The following ZFHX3 variants were observed in gnomAD, a reference collection of about 807,000 sequenced individuals.
ZFHX3 encodes zinc finger homeobox protein 3.
Under a neutral mutation model 279.1 loss-of-function variants are expected in ZFHX3, and 42 were observed. That is an observed-to-expected ratio of 0.15 (90% confidence interval 0.12 to 0.19). ZFHX3 has a LOEUF of 0.19. Among genes scored for constraint, ZFHX3 ranks in the 10% least tolerant of loss-of-function variants. The probability of loss-of-function intolerance (pLI) is 1.00; values close to 1 mark genes in which losing one functional copy is unlikely to be tolerated. For missense variants in ZFHX3, 4,981 were observed against 4,754.0 expected (o/e 1.05, Z -1.40); for synonymous variants, 2,293 against 1,957.8 (o/e 1.17, Z -4.52).
intron 7 of ZFHX3, among the ~76,000 whole-genome samples, chr16:72,802,889 AGGTGATATATATATCCAAAG>A (rs1357471251): frequency 1.3e-5 from 2 of 152,188 alleles, no homozygotes; most frequent in Non-Finnish European, 2.9e-5. Flanking sequence ...CTGCTCACTG[AGGTGATATATATATCCAAAG>A]GCAGACTTCC....
At chr16:73,198,404 A>C (rs1432598838) in intron 5 of ZFHX3, among the ~76,000 whole-genome samples, 3 of 151,890 alleles carry the variant, frequency 2.0e-5, no homozygotes, top group Non-Finnish European at 1.5e-5. Context: ...TGAAGAAGAA[A>C]ATAAACTAAA....
At chr16:73,132,238 T>C (rs999288931) in intron 6 of ZFHX3, among the ~76,000 whole-genome samples, 1 of 152,160 alleles carries the variant, frequency 6.6e-6, no homozygotes, top group Non-Finnish European at 1.5e-5. Flanking sequence ...TGAGCTTTGA[T>C]TGTATCACTG....
chr16:72,933,356 T>C (rs1037326585), intron 3 of ZFHX3, among the ~76,000 whole-genome samples: 1 of 152,018 alleles, frequency 6.6e-6, no homozygotes. Context: ...ACAGCAGGGA[T>C]TGAGAAGAGA....
intron 3 of ZFHX3, among the ~76,000 whole-genome samples, chr16:73,393,500 A>G (rs1004717391): frequency 2.0e-5 from 3 of 152,214 alleles, no homozygotes; most frequent in African/African-American, 7.2e-5. Flanking sequence ...ATGAACTCAG[A>G]TTTGAAGCAG....
At chr16:72,854,779 T>C (rs1291779384) in intron 4 of ZFHX3, among the ~76,000 whole-genome samples, 2 of 151,786 alleles carry the variant, frequency 1.3e-5, no homozygotes, top group Non-Finnish European at 2.9e-5. Flanking sequence ...TTGAGCCTCA[T>C]TAAGAGGGAG....
intron 2 of ZFHX3, among the ~76,000 whole-genome samples, chr16:73,502,084 A>G (rs1244202947): frequency 6.6e-6 from 1 of 152,074 alleles, no homozygotes; most frequent in Non-Finnish European, 1.5e-5. Flanking sequence ...TTAAAGGTAC[A>G]GCATTAAAAG....
rs115266692 is a variant in ZFHX3 at position 73,264,651 on chromosome 16, C to T, written c.-1193-7515G>A. On this transcript the variant is annotated intron_variant, in intron 4 of 17. Coordinates refer to the ZFHX3 transcript ENST00000641206. ...TGGTTACATGGGCAAGTTCTTTAGC[C>T]GTGATTTGTGAGATTTCAGTGCACC... Among the ~76,000 whole-genome samples the T allele has an allele frequency of 2.3e-3, 344 of 151,890 alleles. 2 individuals are homozygous for T. Among genetic ancestry groups the T allele is most frequent in the African/African-American group, 7.8e-3 (323 of 41,408 alleles).
chr16:73,858,281 A>G (rs1197564723), intron 1 of ZFHX3, among the ~76,000 whole-genome samples: 1 of 152,190 alleles, frequency 6.6e-6, no homozygotes, highest in Non-Finnish European at 1.5e-5. Context: ...TAAATAAAAT[A>G]GAAACAGTTT....
chr16:73,063,052 GC>G (rs1965705734), upstream of ZFHX3, among the ~76,000 whole-genome samples: 2 of 152,226 alleles, frequency 1.3e-5, no homozygotes, highest in African/African-American at 4.8e-5. Flanking sequence ...GCCGGCCCGT[GC>G]CCCAGGCTTG....
At chr16:73,297,673 G>A (rs1346277383) in intron 4 of ZFHX3, among the ~76,000 whole-genome samples, 3 of 151,994 alleles carry the variant, frequency 2.0e-5, no homozygotes, top group Admixed American at 2.0e-4. Flanking sequence ...ACAAGAAGGA[G>A]TGTAAGGAGA....
At chr16:73,170,293 C>T (rs569906805) in intron 5 of ZFHX3, among the ~76,000 whole-genome samples, 9 of 133,210 alleles carry the variant, frequency 6.8e-5, no homozygotes, top group East Asian at 4.3e-4. Context: ...TGCAGTGCCA[C>T]GATCTCGGCT....
At chr16:73,762,855 G>C (rs1297584377) in intron 1 of ZFHX3, among the ~76,000 whole-genome samples, 2 of 152,080 alleles carry the variant, frequency 1.3e-5, no homozygotes, top group Non-Finnish European at 2.9e-5. Flanking sequence ...AGAACATCAG[G>C]AAAAATAGCT....
At chr16:72,821,122 G>A (rs977558369) in intron 5 of ZFHX3, among the ~76,000 whole-genome samples, 7 of 152,220 alleles carry the variant, frequency 4.6e-5, no homozygotes, top group Non-Finnish European at 1.0e-4. Flanking sequence ...TGTCCAGAAT[G>A]GTGACAGACA....
At chr16:73,323,280 G>T (rs1012817964) in intron 3 of ZFHX3, among the ~76,000 whole-genome samples, 1 of 152,188 alleles carries the variant, frequency 6.6e-6, no homozygotes. Flanking sequence ...GAGGCAGCAT[G>T]ACTGTTTGAG....
At position 72,816,120 on chromosome 16, in the gene ZFHX3, G is replaced by A. The variant is rs1423868219; in HGVS notation, c.3530-4082C>T. Reference sequence around the variant, plus strand: ...AGAAGAAAATGATCATTGCCTTTAGGTGATGACATCATGGAACACTTTAAG... The same window carrying A: ...AGAAGAAAATGATCATTGCCTTTAGATGATGACATCATGGAACACTTTAAG... On this transcript the variant is annotated intron_variant, in intron 5 of 9. Transcript: ENST00000268489. Among the ~76,000 whole-genome samples, 3 of 151,874 alleles carry A rather than the reference G, an allele frequency of 2.0e-5. No individual in the cohort carries two copies. The Admixed American group carries it at 2.0e-4, about 10-fold the overall frequency.
intron 1 of ZFHX3, chr16:73,808,645 T>C (rs996879535): frequency 3.9e-5 from 6 of 152,134 alleles, no homozygotes; most frequent in African/African-American, 1.2e-4. Context: ...TGAGCCTGGG[T>C]AAGAGATTTA....
intron 7 of ZFHX3, chr16:73,094,494 C>A (rs2144781664): frequency 6.6e-6 from 1 of 151,152 alleles, no homozygotes; most frequent in Admixed American, 6.6e-5. Flanking sequence ...TACAAAGTAG[C>A]TGCCCAATAC....
rs969139378 is a variant in ZFHX3, at chr16:73,682,966, G to C, written c.-1607-2726C>G. Among the ~76,000 whole-genome samples the C allele has an allele frequency of 1.1e-3, 28 of 26,530 alleles. 2 individuals are homozygous for C. Among genetic ancestry groups the C allele is most frequent in the Admixed American group, 2.1e-3 (4 of 1,866 alleles). 17.4% of individuals were successfully genotyped at this position (26,530 alleles called of 152,430 possible). On this transcript the variant is annotated intron_variant, in intron 1 of 17. Coordinates refer to the ZFHX3 transcript ENST00000641206. ...AGAAAGAAAGAAAGAAAGAAAGAAAGAAAGAAAGAAAGAAAGAAAGAAAGA... is the reference window on the plus strand; with the variant it reads ...AGAAAGAAAGAAAGAAAGAAAGAAACAAAGAAAGAAAGAAAGAAAGAAAGA...
intron 3 of ZFHX3, chr16:73,401,364 AAAACAAAACACACACACACACAC>A (rs1236941530): frequency 1.5e-5 from 2 of 137,922 alleles, no homozygotes; most frequent in African/African-American, 5.6e-5. Flanking sequence ...CAAAAAACAA[AAAACAAAACACACACACACACAC>A]ACACACACAC....
Sources: gnomAD v4.1 joint callset for allele counts (sites outside exome capture counted in the v4.1 genomes callset) on GRCh38, gnomAD v4.1.1 for gene constraint, MANE v1.5 for transcripts, NCBI Gene and HGNC (gene_info 2026-07-23, HGNC 2026-07-21) for gene names.